Variants in TSC2 observed in about 807,000 individuals in gnomAD.
TSC2 encodes tuberin.
Under a neutral mutation model 202.2 loss-of-function variants are expected in TSC2, and 29 were observed. The ratio of observed to expected loss-of-function variants is 0.14; its 90% CI spans 0.11 to 0.20. The LOEUF (loss-of-function observed/expected upper bound fraction) is 0.20. Ranked by LOEUF, TSC2 falls within the 10% of genes least tolerant of loss-of-function variation. The pLI is 1.00. For synonymous variants in TSC2, 1,349 were observed against 1,044.0 expected, an observed-to-expected ratio of 1.29 and a Z score of -5.63; for missense variants, 2,429 against 2,420.0, an observed-to-expected ratio of 1.00 and a Z score of -0.08.
rs1596375441 is a variant in TSC2 at position 2,077,717 on chromosome 16, T to G, written c.2957T>G (p.Val986Gly). ...CGCAGCATCAGTGTGTCTGAACATGTGGTCCGCAGGTAGCGGGACTGTCGG... is the reference window on the plus strand; with the variant it reads ...CGCAGCATCAGTGTGTCTGAACATGGGGTCCGCAGGTAGCGGGACTGTCGG... ...RCRSISVSEH[V>G]VRSRIQTSLT... The change falls in exon 26 of 42, where the codon GTG (valine) becomes GGG (glycine). Residue 986 changes from valine to glycine, a missense_variant. Val to Gly is a moderately radical substitution (Grantham distance 109). Coordinates refer to ENST00000219476, the MANE Select transcript of TSC2 (RefSeq NM_000548.5). 1 of 1,612,830 alleles carries G rather than the reference T, an allele frequency of 6.2e-7. No individual in the cohort carries two copies. The highest frequency in any genetic ancestry group is 2.2e-5 in the East Asian group (1 of 44,866).
rs2151637431 is a variant in TSC2, at chr16:2,088,443, C to T, written c.5260-3C>T. The stretch of plus-strand genomic sequence containing the variant: ...TTACTGCCCAAGCCGCCTCTGCCTT[C>T]AGATCTGCGAGGAAGCCGCCTACTC... On this transcript the variant is annotated splice_region_variant and splice_polypyrimidine_tract_variant and intron_variant, in intron 41 of 41. Coordinates refer to ENST00000219476, the MANE Select transcript of TSC2 (RefSeq NM_000548.5). 6.2e-7 allele frequency: 1 copy of T among 1,612,794 alleles called. No homozygotes were observed. The highest frequency in any genetic ancestry group is 1.3e-5 in the African/African-American group (1 of 75,038).
chr16:2,055,961 C>G (rs994254230), intron 6 of TSC2: 6 of 570,784 alleles, frequency 1.1e-5, no homozygotes, highest in Non-Finnish European at 1.9e-5. Context: ...TCTTGGTTAT[C>G]TTTTTGTTGT....
chr16:2,079,098 T>C lies in TSC2; in HGVS notation c.3033T>C (p.Ala1011=), dbSNP rs878854090. ...GSADENSVAQ[A]DDSLKNLHLE... ...CAGATGAGAACTCCGTGGCCCAGGC[T>C]GACGATAGCCTGAAAAACCTCCACC... Residue 1011 remains alanine (A), a synonymous_variant, in exon 27 of 42, where the codon GCT becomes GCC. Transcript: ENST00000219476. This position sits in a 1 kb window ranked among gnomAD's most constrained non-coding sequence, Gnocchi z 4.6. 6.2e-7 allele frequency: 1 copy of C among 1,613,026 alleles called. No homozygotes were observed. The highest frequency in any genetic ancestry group is 1.1e-5 in the South Asian group (1 of 91,078).
rs1596400563 is a variant in TSC2, at chr16:2,081,745, C to T, written c.3761C>T (p.Ser1254Leu). The stretch of plus-strand genomic sequence containing the variant: ...GACACAGCCCTGTACAAGTCACTGT[C>T]GGTGCCGGCAGCCAGCACGGCCAAA... ...HRDTALYKSL[S>L]VPAASTAKPP... Residue 1254 changes from serine (S) to leucine (L), a missense_variant, in exon 31 of 42, where the codon TCG (serine) becomes TTG (leucine). By Grantham distance (145) the Ser-to-Leu change is moderately radical. Coordinates refer to ENST00000219476, the MANE Select transcript of TSC2 (RefSeq NM_000548.5). The T allele has an allele frequency of 6.2e-7, 1 of 1,612,892 alleles. No individual in the cohort carries two copies. Among genetic ancestry groups the T allele is most frequent in the Non-Finnish European group, 8.5e-7 (1 of 1,180,014 alleles).
Position 2,075,821 on chromosome 16 carries a change from C to G in TSC2, c.2568C>G (p.Leu856=), listed in dbSNP as rs886038354. 1 of 1,612,882 alleles carries G rather than the reference C, an allele frequency of 6.2e-7. No individual in the cohort carries two copies. The highest frequency in any genetic ancestry group is 8.5e-7 in the Non-Finnish European group (1 of 1,180,002). The part of the protein sequence containing the change: ...FLSTLARLPH[L]YRNFAAEQYA... ...CAGCTCTGGCCAGGCTGCCGCACCT[C>G]TACAGGAACTTTGCCGCGGAGCAGT... Residue 856 remains leucine, a synonymous_variant, in exon 23 of 42, where the codon CTC becomes CTG. Coordinates refer to ENST00000219476, the MANE Select transcript of TSC2 (RefSeq NM_000548.5).
chr16:2,082,542 G>T lies in TSC2; in HGVS notation c.3883+38G>T, dbSNP rs748163256. On this transcript the variant is annotated intron_variant, in intron 32 of 41. Transcript: ENST00000219476. ...AGAGGGAAGCGGTTGGCTGCAGAGC[G>T]CCACTCTGCCTCATAGGTGCTGTGC... The T allele has an allele frequency of 2.5e-6, 4 of 1,602,242 alleles. No homozygotes were observed. The South Asian group carries it at 4.4e-5, about 18-fold the overall frequency.
In TSC2 at chr16:2,062,523, C is replaced by T. The variant is rs1325874616; in HGVS notation, c.1284C>T (p.Ser428=). Residue 428 remains serine, a synonymous_variant, in exon 13 of 42, where the codon TCC becomes TCT. Transcript: ENST00000219476. ...RPESSLLNLI[S]YRAQSIHPAK... is the part of the protein sequence containing the mutation. ...AGTCCTCCCTCCTGAACCTGATCTC[C>T]TATAGAGCGCAGTCCATCCACCCGG... is the stretch of plus-strand genomic sequence containing the variant. 2.5e-6 allele frequency: 4 copies of T among 1,612,038 alleles called. No homozygotes were observed. The highest frequency in any genetic ancestry group is 2.2e-5 in the South Asian group (2 of 90,436).
At chr16:2,085,829 G>A (rs944763853) in intron 36 of TSC2, among the ~76,000 whole-genome samples, 1 of 152,088 alleles carries the variant, frequency 6.6e-6, no homozygotes, top group Admixed American at 6.5e-5. Flanking sequence ...AGGGCACATG[G>A]CCTGACTCCG....
intron 3 of TSC2, among the ~76,000 whole-genome samples, chr16:2,051,663 G>C (rs2085144292): frequency 6.6e-6 from 1 of 152,230 alleles, no homozygotes; most frequent in Non-Finnish European, 1.5e-5. Flanking sequence ...AGAGCAGTGA[G>C]ACCTGGACCT....
rs2151442252 is a variant in TSC2 at position 2,079,463 on chromosome 16, C to T, written c.3284+35C>T. ...CCTTCCTTTCCTCCGCGCCTGCCAG[C>T]CTCGACACCGGCTGTCCCGAGCCCA... On this transcript the variant is annotated intron_variant, in intron 28 of 41. Coordinates refer to ENST00000219476, the MANE Select transcript of TSC2 (RefSeq NM_000548.5). The surrounding 1 kb of genome is among the most constrained non-coding windows in gnomAD (Gnocchi z 4.6). The T allele has an allele frequency of 6.2e-7, 1 of 1,612,414 alleles. No homozygotes were observed. Among genetic ancestry groups the T allele is most frequent in the Non-Finnish European group, 8.5e-7 (1 of 1,179,806 alleles).
At chr16:2,085,171 G>A in intron 35 of TSC2, 59 bp from the exon 36 acceptor site, 1 of 1,609,796 alleles carries the variant, frequency 6.2e-7, no homozygotes. Flanking sequence ...ACCGGCCTGG[G>A]TGGGGCGGCC....
chr16:2,063,167 G>C (rs1427695481), intron 14 of TSC2, 114 bp downstream of exon 14: 1 of 1,287,342 alleles, frequency 7.8e-7, no homozygotes, highest in Non-Finnish European at 1.1e-6. Flanking sequence ...CTTCGGTCCT[G>C]CCGGACCCTC....
rs1398874197 is a variant in TSC2 at position 2,088,799 on chromosome 16, G to GTGGT, written c.*190_*193dup. Reference sequence around the variant, plus strand: ...TCTAGAAGCGGCCATGCCCACAGAAGTGGTACACAGAAGCAGGCACAGCCA... The same window carrying GTGGT: ...TCTAGAAGCGGCCATGCCCACAGAAGTGGTTGGTACACAGAAGCAGGCACAGCCA... On this transcript the variant is annotated 3_prime_UTR_variant, in exon 42 of 42. Coordinates refer to ENST00000219476, the MANE Select transcript of TSC2 (RefSeq NM_000548.5). 5.8e-5 allele frequency: 45 copies of GTGGT among 776,324 alleles called. No homozygotes were observed. The African/African-American group carries it at 7.0e-4, about 12-fold the overall frequency. 48.1% of individuals were successfully genotyped at this position (776,324 alleles called of 1,614,324 possible).
At position 2,079,672 on chromosome 16, in the gene TSC2, G is replaced by A. The variant is rs1481437660; in HGVS notation, c.3397+3G>A. The stretch of plus-strand genomic sequence containing the variant: ...GGATCGGGTCCGTTCCATGTCGGGT[G>A]AGCCTTGGCCCCAGCCACCTCCACA... On this transcript the variant is annotated splice_donor_region_variant and intron_variant, in intron 29 of 41. Coordinates refer to ENST00000219476, the MANE Select transcript of TSC2 (RefSeq NM_000548.5). This position sits in a 1 kb window ranked among gnomAD's most constrained non-coding sequence, Gnocchi z 4.6. 1.3e-6 allele frequency: 2 copies of A among 1,581,730 alleles called. No homozygotes were observed. Among genetic ancestry groups the A allele is most frequent in the Non-Finnish European group, 1.7e-6 (2 of 1,165,302 alleles).
At position 2,085,183 on chromosome 16, in the gene TSC2, C is replaced by T. The variant is rs755315253; in HGVS notation, c.4570-47C>T. On this transcript the variant is annotated intron_variant, in intron 35 of 41. Coordinates refer to ENST00000219476, the MANE Select transcript of TSC2 (RefSeq NM_000548.5). ...GTGACCGGCCTGGGTGGGGCGGCCT[C>T]CTGTGGACGGGCGTCTGGGGCTCAG... 2.5e-6 allele frequency: 4 copies of T among 1,611,576 alleles called. No homozygotes were observed. In the Admixed American group the frequency reaches 5.0e-5, roughly 20 times the overall value.
rs2086825149 is a variant in TSC2 at position 2,062,996 on chromosome 16, C to G, written c.1386C>G (p.Arg462=). ...GGAGCGAGTCCCGAGGCGCCGTGCG[C>G]ATCAAGGTGCTGGACGTGCTGTCCT... ...FFRSESRGAV[R]IKVLDVLSFV... Residue 462 remains arginine, a synonymous_variant, in exon 14 of 42, where the codon CGC becomes CGG. Transcript: ENST00000219476. The G allele has an allele frequency of 6.4e-7, 1 of 1,551,258 alleles. No individual in the cohort carries two copies. Among genetic ancestry groups the G allele is most frequent in the Non-Finnish European group, 8.7e-7 (1 of 1,146,886 alleles).
rs776057000 is a variant in TSC2 at position 2,062,448 on chromosome 16, G to C, written c.1258-49G>C. ...TCGACCAGCAGCCCAGTGTGGAGAAGGAGAGCGCCGGAGGGGCAGAGGGGC... is the reference window on the plus strand; with the variant it reads ...TCGACCAGCAGCCCAGTGTGGAGAACGAGAGCGCCGGAGGGGCAGAGGGGC... On this transcript the variant is annotated intron_variant, in intron 12 of 41. Coordinates refer to ENST00000219476, the MANE Select transcript of TSC2 (RefSeq NM_000548.5). 8 of 1,534,178 alleles carry C rather than the reference G, an allele frequency of 5.2e-6. No individual in the cohort carries two copies. The South Asian group carries it at 7.1e-5, about 14-fold the overall frequency.
At chr16:2,085,440 C>T in intron 36 of TSC2, 118 bp downstream of exon 36, 7 of 1,085,116 alleles carry the variant, frequency 6.5e-6, no homozygotes, top group East Asian at 2.5e-5. Context: ...GGGTCCCCTA[C>T]AGCATGAAGT....
intron 14 of TSC2, chr16:2,063,304 C>T (rs2086869764): frequency 1.2e-5 from 7 of 596,544 alleles, no homozygotes; most frequent in South Asian, 2.0e-5. Flanking sequence ...CAGGGAGCTC[C>T]GGCCGGTTTT....
Sources: allele counts gnomAD v4.1 joint callset (sites outside exome capture counted in the v4.1 genomes callset), GRCh38; gene constraint gnomAD v4.1.1; non-coding constraint Gnocchi (gnomAD v3.1); transcripts MANE v1.5; gene names NCBI Gene and HGNC (gene_info 2026-07-23, HGNC 2026-07-21).